Variants in PDE4A observed in about 807,000 individuals in gnomAD.
PDE4A encodes the protein phosphodiesterase 4A, also known as 3',5'-cyclic-AMP phosphodiesterase 4A.
Under a neutral mutation model 73.9 loss-of-function variants are expected in PDE4A, and 21 were observed. The observed-to-expected ratio is 0.28, with a 90% CI of 0.20 to 0.41. The LOEUF is 0.41. PDE4A is among the 10% of genes least tolerant of loss of function. The pLI is 1.00. For missense variants in PDE4A, 958 were observed against 1,211.4 expected (o/e 0.79, Z 3.10); for synonymous variants, 463 against 505.4 (o/e 0.92, Z 1.13).
chr19:10,437,221 T>G (rs1432988443), intron 1 of PDE4A, among the ~76,000 whole-genome samples: 1 of 151,722 alleles, frequency 6.6e-6, no homozygotes, highest in African/African-American at 2.4e-5. Context: ...CCTCCCAGGA[T>G]CAAGTGATTC....
At chr19:10,417,606 G>C (rs2042600251), upstream of PDE4A, 1 of 1,522,382 alleles carries the variant, frequency 6.6e-7, no homozygotes, top group Admixed American at 2.0e-5. Context: ...TGGGGAGAGG[G>C]GCTCAGAGCT....
At chr19:10,437,906 G>T (rs925236386) in intron 1 of PDE4A, among the ~76,000 whole-genome samples, 5 of 151,044 alleles carry the variant, frequency 3.3e-5, no homozygotes, top group African/African-American at 1.2e-4. Flanking sequence ...CAGGGCTCAG[G>T]TGATCCTCCC....
At position 10,453,167 on chromosome 19, in the gene PDE4A, C is replaced by T. The variant is rs2043119779; in HGVS notation, c.784-1662C>T. 1 of 1,467,816 alleles carries T rather than the reference C, an allele frequency of 6.8e-7. No individual in the cohort carries two copies. 90.9% of individuals were successfully genotyped at this position (1,467,816 alleles called of 1,614,324 possible). A position where few individuals can be genotyped will look rare whatever the true frequency, so the allele number is the denominator to read the frequency against. ...CTCCGCGGCTCCCCCTTCCACTACCCACCTGCCCGGCACCCCCTCCCCAGT... is the reference window on the plus strand; with the variant it reads ...CTCCGCGGCTCCCCCTTCCACTACCTACCTGCCCGGCACCCCCTCCCCAGT... On this transcript the variant is annotated intron_variant, in intron 6 of 14. Coordinates refer to ENST00000380702, the MANE Select transcript of PDE4A (RefSeq NM_001111307.2). This position sits in a 1 kb window ranked among gnomAD's most constrained non-coding sequence, Gnocchi z 4.6.
At position 10,467,697 on chromosome 19, in the gene PDE4A, C is replaced by A; in HGVS notation, c.*76C>A. 1 of 1,101,798 alleles carries A rather than the reference C, an allele frequency of 9.1e-7. No individual in the cohort carries two copies. The highest frequency in any genetic ancestry group is 1.6e-5 in the African/African-American group (1 of 63,828). The allele number at this position is 1,101,798 out of a possible 1,614,324, so 68.3% of individuals were successfully genotyped here. On this transcript the variant is annotated 3_prime_UTR_variant, in exon 15 of 15. Transcript: ENST00000380702. ...CTCCCCCGACCACCTCCTCCTCTGCCTCAAAGACTCTTGTCCTCTTGTCCC... is the reference window on the plus strand; with the variant it reads ...CTCCCCCGACCACCTCCTCCTCTGCATCAAAGACTCTTGTCCTCTTGTCCC...
upstream of PDE4A, among the ~76,000 whole-genome samples, chr19:10,419,772 C>T (rs951741084): frequency 2.0e-5 from 3 of 152,198 alleles, no homozygotes; most frequent in African/African-American, 7.2e-5. Flanking sequence ...CACACACCGA[C>T]CACAAACGCA....
At chr19:10,448,104 C>CTT (rs554377484) in intron 2 of PDE4A, among the ~76,000 whole-genome samples, 3,800 of 142,662 alleles carry the variant, frequency 0.027, 177 homozygotes, top group African/African-American at 0.093. Flanking sequence ...TTATCTCTCT[C>CTT]TTTTTTTTTT....
At chr19:10,461,500 C>T in intron 11 of PDE4A, 26 bp from the exon 12 acceptor site, 1 of 1,611,506 alleles carries the variant, frequency 6.2e-7, no homozygotes, top group Non-Finnish European at 8.5e-7. Flanking sequence ...CGTGGGCCCT[C>T]CCCTGACCTC....
intron 1 of PDE4A, 73 bp from the exon 2 acceptor site, chr19:10,446,145 G>A (rs1484761706): frequency 3.3e-6 from 5 of 1,509,636 alleles, no homozygotes; most frequent in South Asian, 1.2e-5. Context: ...ACCGCACCCG[G>A]CCTCCTCATT....
In PDE4A at chr19:10,458,135, G is replaced by A; in HGVS notation, c.1101+33G>A. 2 of 1,603,966 alleles carry A rather than the reference G, an allele frequency of 1.2e-6. No homozygotes were observed. The highest frequency in any genetic ancestry group is 1.7e-6 in the Non-Finnish European group (2 of 1,171,782). On this transcript the variant is annotated intron_variant, in intron 8 of 14. Transcript: ENST00000380702. The surrounding 1 kb of genome is among the most constrained non-coding windows in gnomAD (Gnocchi z 4.6). The stretch of plus-strand genomic sequence containing the variant: ...GGGGCTCAGTAGGGGCAGGGCTGGA[G>A]GGGGTGGTCTCCTGGGACCCTGAGA...
Position 10,459,757 on chromosome 19 carries a change from G to C in PDE4A, c.1363G>C (p.Asp455His). 1 of 1,604,296 alleles carries C rather than the reference G, an allele frequency of 6.2e-7. No homozygotes were observed. Among genetic ancestry groups the C allele is most frequent in the Non-Finnish European group, 8.5e-7 (1 of 1,173,258 alleles). ...THVLLATPAL[D>H]AVFTDLEILA... ...CGTACTGCTGGCCACGCCTGCACTA[G>C]ATGTGAGTGACTGCCCTGTGAGTGA... The change falls in exon 10 of 15, where the codon GAT becomes CAT. Residue 455 changes from aspartate (D) to histidine (H), a missense_variant and splice_region_variant. This residue lies in a region of PDE4A where 570 missense variants were observed against 827.7 expected (regional missense o/e 0.69). Coordinates refer to ENST00000380702, the MANE Select transcript of PDE4A (RefSeq NM_001111307.2).
chr19:10,416,839 A>G (rs879233338), upstream of PDE4A: 17 of 1,527,384 alleles, frequency 1.1e-5, no homozygotes, highest in Non-Finnish European at 1.2e-5. Context: ...CGGCAGGGGG[A>G]GCCCTGGGGC....
At chr19:10,423,172 T>A (rs1402645139) in intron 1 of PDE4A, 4 of 973,282 alleles carry the variant, frequency 4.1e-6, no homozygotes, top group Non-Finnish European at 4.9e-6. Context: ...TTTTTTTTTT[T>A]TTTTTTTGAC....
chr19:10,448,497 C>T (rs941154170), intron 2 of PDE4A, among the ~76,000 whole-genome samples: 7 of 151,432 alleles, frequency 4.6e-5, no homozygotes, highest in African/African-American at 1.5e-4. Context: ...ATTAGTGGGG[C>T]GAGAGGCACA....
chr19:10,423,283 G>A (rs529234134), intron 1 of PDE4A: 7 of 271,654 alleles, frequency 2.6e-5, no homozygotes, highest in South Asian at 1.4e-4. Flanking sequence ...CTCAGCCTCC[G>A]GAGTAGCTGG....
chr19:10,432,180 G>T (rs1362771504), intron 1 of PDE4A, among the ~76,000 whole-genome samples: 1 of 124,964 alleles, frequency 8.0e-6, no homozygotes, highest in Non-Finnish European at 1.6e-5. Flanking sequence ...AGGAGACGGG[G>T]GGGGGGGGGG....
intron 5 of PDE4A, 83 bp downstream of exon 5, chr19:10,450,735 C>G (rs1381495447): frequency 6.3e-7 from 1 of 1,583,874 alleles, no homozygotes; most frequent in East Asian, 2.3e-5. Flanking sequence ...CCCAGCAGTC[C>G]ACTCACCTGG....
rs554355011 is a variant in PDE4A, at chr19:10,456,092, C to T, written c.877+1170C>T. 4.1e-4 allele frequency among the ~76,000 whole-genome samples: 62 copies of T among 151,666 alleles called. 1 individual carries two copies. In the South Asian group the frequency reaches 0.012, roughly 29 times the overall value. The stretch of plus-strand genomic sequence containing the variant: ...CCCTAATCTCTAGAAGATTATCAAG[C>T]TTAAGAACCTGTAAGAGGCAGGAAG... On this transcript the variant is annotated intron_variant, in intron 7 of 14. Coordinates refer to ENST00000380702, the MANE Select transcript of PDE4A (RefSeq NM_001111307.2).
At chr19:10,446,477 C>A in intron 2 of PDE4A, 68 bp downstream of exon 2, 1 of 1,545,624 alleles carries the variant, frequency 6.5e-7, no homozygotes, top group Non-Finnish European at 8.8e-7. Flanking sequence ...CCCTTCCCAG[C>A]AGGGAGTCGG....
intron 7 of PDE4A, among the ~76,000 whole-genome samples, chr19:10,457,579 C>T (rs960545482): frequency 2.6e-5 from 4 of 152,168 alleles, no homozygotes; most frequent in Middle Eastern, 3.4e-3. Context: ...GGGTAGGCAG[C>T]GGCTCTCCCT....
Sources: gnomAD v4.1 joint callset for allele counts (sites outside exome capture counted in the v4.1 genomes callset) on GRCh38, gnomAD v4.1.1 for gene constraint, gnomAD v4.1.1 regional missense constraint, Gnocchi (gnomAD v3.1) non-coding constraint, MANE v1.5 for transcripts, NCBI Gene and HGNC (gene_info 2026-07-23, HGNC 2026-07-21) for gene names.